Variants in GLIS3 observed in about 807,000 individuals in gnomAD.
GLIS3 encodes zinc finger protein GLIS3.
In GLIS3, 53 loss-of-function variants were observed where a neutral mutation model predicts 78.6. That is an observed-to-expected ratio of 0.67 (90% confidence interval 0.54 to 0.85). The LOEUF (loss-of-function observed/expected upper bound fraction) is 0.85, where lower values mean the gene tolerates loss of function less well. Among genes scored for constraint, GLIS3 ranks in the 40% least tolerant of loss-of-function variants. The pLI is 0.00. For synonymous variants in GLIS3, 684 were observed against 509.9 expected, an observed-to-expected ratio of 1.34 and a Z score of -4.60; for missense variants, 1,703 against 1,231.1, an observed-to-expected ratio of 1.38 and a Z score of -5.74.
At chr9:4,001,805 T>C (rs930904622) in intron 4 of GLIS3, among the ~76,000 whole-genome samples, 1 of 152,232 alleles carries the variant, frequency 6.6e-6, no homozygotes, top group Non-Finnish European at 1.5e-5. Flanking sequence ...TGATCATCTG[T>C]ACAATGTGGT....
chr9:3,956,581 T>C (rs910096703), intron 4 of GLIS3, among the ~76,000 whole-genome samples: 1 of 152,238 alleles, frequency 6.6e-6, no homozygotes, highest in African/African-American at 2.4e-5. Context: ...ACACTGGATC[T>C]AACCCCTAGC....
chr9:4,196,491 T>C (rs12006526), intron 2 of GLIS3, among the ~76,000 whole-genome samples: 2,082 of 152,342 alleles, frequency 0.014, 52 homozygotes, highest in African/African-American at 0.047. Context: ...CTTTATGAGC[T>C]GTAACCCTCA....
the GLIS3 span, among the ~76,000 whole-genome samples, chr9:4,479,780 TC>T: frequency 6.6e-6 from 1 of 151,884 alleles, no homozygotes; most frequent in Admixed American, 6.6e-5. Context: ...GCTGCTACCC[TC>T]CTTTTTCTAA....
At chr9:4,311,204 T>G (rs545841758) in intron 2 of GLIS3, among the ~76,000 whole-genome samples, 1 of 151,210 alleles carries the variant, frequency 6.6e-6, no homozygotes, top group South Asian at 2.1e-4. Context: ...AGCCCCGGAG[T>G]TCAAGACCAG....
intron 4 of GLIS3, among the ~76,000 whole-genome samples, chr9:3,992,171 T>G (rs376992628): frequency 6.6e-6 from 1 of 152,164 alleles, no homozygotes; most frequent in Non-Finnish European, 1.5e-5. Flanking sequence ...AATGTAACAT[T>G]TGGAGGACAA....
intron 2 of GLIS3, among the ~76,000 whole-genome samples, chr9:4,322,313 G>T (rs946647837): frequency 3.9e-5 from 6 of 152,134 alleles, no homozygotes; most frequent in African/African-American, 1.4e-4. Flanking sequence ...AGTCTGTGCT[G>T]TTGTGAATAG....
chr9:4,367,045 C>A, the GLIS3 span, among the ~76,000 whole-genome samples: 1 of 152,202 alleles, frequency 6.6e-6, no homozygotes, highest in South Asian at 2.1e-4. Context: ...TGAATAGCAG[C>A]CTTTATCTAT....
chr9:3,907,922 C>A (rs1468342965), intron 6 of GLIS3, among the ~76,000 whole-genome samples: 1 of 152,180 alleles, frequency 6.6e-6, no homozygotes, highest in African/African-American at 2.4e-5. Context: ...AGGCAATCAG[C>A]AGCACTTAAA....
At chr9:4,302,455 A>G (rs1817114075), upstream of GLIS3, among the ~76,000 whole-genome samples, 1 of 152,256 alleles carries the variant, frequency 6.6e-6, no homozygotes, top group Admixed American at 6.5e-5. Context: ...GACTAAAGGA[A>G]TTAACACTTG....
At chr9:3,939,054 G>C (rs1009906309) in intron 4 of GLIS3, among the ~76,000 whole-genome samples, 3 of 152,178 alleles carry the variant, frequency 2.0e-5, no homozygotes, top group Admixed American at 6.5e-5. Context: ...TGTGGTTTTA[G>C]ACACGCCAAG....
Position 4,061,146 on chromosome 9 carries a change from A to G in GLIS3, c.1710+56622T>C, listed in dbSNP as rs1407014885. On this transcript the variant is annotated intron_variant, in intron 4 of 10. Transcript: ENST00000381971. ...TTTGTTACATATGTATACATGTGCC[A>G]TGTTGGTGTGCTGCACCCATTAACT... 7.3e-5 allele frequency among the ~76,000 whole-genome samples: 11 copies of G among 151,704 alleles called. No individual in the cohort carries two copies. In the Middle Eastern group the frequency reaches 0.01, roughly 141 times the overall value.
intron 2 of GLIS3, among the ~76,000 whole-genome samples, chr9:4,314,547 T>A (rs909912948): frequency 6.6e-6 from 1 of 152,210 alleles, no homozygotes; most frequent in Non-Finnish European, 1.5e-5. Context: ...AGAAAGAAAG[T>A]AAGGGATCTT....
intron 4 of GLIS3, among the ~76,000 whole-genome samples, chr9:4,020,304 T>A (rs193084531): frequency 1.3e-5 from 2 of 152,166 alleles, no homozygotes; most frequent in East Asian, 3.9e-4. Context: ...TTTGTTTTTT[T>A]TGTTTTGTTT....
chr9:4,126,806 G>C (rs1034288112), intron 2 of GLIS3, among the ~76,000 whole-genome samples: 1 of 152,130 alleles, frequency 6.6e-6, no homozygotes, highest in Non-Finnish European at 1.5e-5. Flanking sequence ...ACCTGGTCAA[G>C]TCTCAGTAAC....
intron 4 of GLIS3, chr9:4,036,116 C>T (rs1027008960): frequency 6.6e-6 from 1 of 152,158 alleles, no homozygotes; most frequent in Non-Finnish European, 1.5e-5. Context: ...AGGGAATTAC[C>T]ATCTGAAAAA....
At chr9:4,287,950 A>G (rs1587318141) in intron 1 of GLIS3, among the ~76,000 whole-genome samples, 1 of 152,346 alleles carries the variant, frequency 6.6e-6, no homozygotes, top group South Asian at 2.1e-4. Flanking sequence ...ATTTTCACTA[A>G]GAATGCCATC....
the GLIS3 span, among the ~76,000 whole-genome samples, chr9:4,477,218 C>G: frequency 6.6e-6 from 1 of 151,792 alleles, no homozygotes; most frequent in Non-Finnish European, 1.5e-5. Flanking sequence ...ACATACAATG[C>G]AATCTTAGCC....
intron 4 of GLIS3, among the ~76,000 whole-genome samples, chr9:4,047,323 T>C (rs1048613799): frequency 6.6e-6 from 1 of 152,190 alleles, no homozygotes; most frequent in Non-Finnish European, 1.5e-5. Flanking sequence ...CTTTCCTTTA[T>C]AAATTACCCA....
chr9:4,059,160 G>T (rs1418895168), intron 4 of GLIS3, among the ~76,000 whole-genome samples: 1 of 152,106 alleles, frequency 6.6e-6, no homozygotes, highest in East Asian at 1.9e-4. Context: ...GTGGGATCAG[G>T]CCTTGACCTT....
Sources: gnomAD v4.1 joint callset for allele counts (sites outside exome capture counted in the v4.1 genomes callset) on GRCh38, gnomAD v4.1.1 for gene constraint, MANE v1.5 for transcripts, NCBI Gene and HGNC (gene_info 2026-07-23, HGNC 2026-07-21) for gene names.